Variants in DYRK1A observed in about 807,000 individuals in gnomAD.
DYRK1A encodes dual specificity tyrosine phosphorylation regulated kinase 1A, also known as dual specificity tyrosine-phosphorylation-regulated kinase 1A.
Under a neutral mutation model 79.7 loss-of-function variants are expected in DYRK1A, and 9 were observed. The ratio of observed to expected loss-of-function variants is 0.11; its 90% CI spans 0.07 to 0.20. DYRK1A has a LOEUF of 0.20. Ranked by LOEUF, DYRK1A falls within the 10% of genes least tolerant of loss-of-function variation. DYRK1A has a pLI of 1.00. For missense variants in DYRK1A, 622 were observed against 956.0 expected, an observed-to-expected ratio of 0.65 and a Z score of 4.61; for synonymous variants, 349 against 329.7, an observed-to-expected ratio of 1.06 and a Z score of -0.63.
intron 10 of DYRK1A, 73 bp downstream of exon 10, chr21:37,505,662 G>C: frequency 6.8e-7 from 1 of 1,460,540 alleles, no homozygotes; most frequent in Non-Finnish European, 9.1e-7. Context: ...TTATTTTAAA[G>C]TGTTGATTAA....
intron 4 of DYRK1A, 28 bp downstream of exon 4, chr21:37,478,328 C>G: frequency 3.8e-6 from 6 of 1,599,454 alleles, no homozygotes; most frequent in Non-Finnish European, 5.1e-6. Context: ...ATAATAACAT[C>G]TATCTTGCAG....
rs748204548 is a variant in DYRK1A, at chr21:37,506,322, C to G, written c.1644+99C>G. The G allele has an allele frequency of 5.0e-6, 8 of 1,607,202 alleles. No homozygotes were observed. The Admixed American group carries it at 6.8e-5, about 14-fold the overall frequency. ...CTTTAGAATGACCGTATCATTTACC[C>G]TAGAGGTTCATGACGTTCCTGTCTA... On this transcript the variant is annotated intron_variant, in intron 11 of 11. Transcript: ENST00000647188.
At chr21:37,458,253 C>T (rs2051718973) in intron 2 of DYRK1A, among the ~76,000 whole-genome samples, 1 of 105,420 alleles carries the variant, frequency 9.5e-6, no homozygotes. Flanking sequence ...TAGGGGAGGG[C>T]ATCTGGGTAA....
At chr21:37,498,178 A>G (rs922185413) in intron 9 of DYRK1A, among the ~76,000 whole-genome samples, 5 of 152,100 alleles carry the variant, frequency 3.3e-5, no homozygotes, top group African/African-American at 9.7e-5. Flanking sequence ...AATACTATAT[A>G]TTTTTTTCCT....
intron 2 of DYRK1A, among the ~76,000 whole-genome samples, chr21:37,437,338 T>A (rs2050953993): frequency 6.6e-6 from 1 of 152,014 alleles, no homozygotes. Context: ...TTTCAAGGGG[T>A]TTTTGAGTTG....
intron 2 of DYRK1A, among the ~76,000 whole-genome samples, chr21:37,447,440 G>C (rs2051310388): frequency 6.6e-6 from 1 of 151,866 alleles, no homozygotes; most frequent in African/African-American, 2.4e-5. Flanking sequence ...AAGCCTTTAA[G>C]ACCTAAAGTC....
At chr21:37,430,455 T>A in intron 2 of DYRK1A, 1 of 971,596 alleles carries the variant, frequency 1.0e-6, no homozygotes, top group Non-Finnish European at 1.2e-6. Context: ...CAACTTGCAC[T>A]AGGATAGTTT....
chr21:37,390,424 C>T (rs979099932), intron 1 of DYRK1A, among the ~76,000 whole-genome samples: 3 of 152,184 alleles, frequency 2.0e-5, no homozygotes, highest in African/African-American at 7.2e-5. Context: ...AACAGCAATA[C>T]AGCCATCAAA....
intron 2 of DYRK1A, among the ~76,000 whole-genome samples, chr21:37,429,582 C>T (rs1220649784): frequency 6.6e-6 from 1 of 152,136 alleles, no homozygotes; most frequent in Non-Finnish European, 1.5e-5. Context: ...TACTCACCAT[C>T]GTGAGAATAG....
chr21:37,516,477 A>C lies in DYRK1A; in HGVS notation c.*3946A>C, dbSNP rs2053881988. ...CATCACCAAGTAATTTGTAGTACAA[A>C]GAACAAGAGAAGAAACCCTAAGAAG... On this transcript the variant is annotated 3_prime_UTR_variant, in exon 12 of 12. Transcript: ENST00000647188. The C allele has an allele frequency of 6.6e-6, 1 of 152,216 alleles. No homozygotes were observed. Among genetic ancestry groups the C allele is most frequent in the South Asian group, 2.1e-4 (1 of 4,832 alleles). The allele number at this position is 152,216 out of a possible 1,614,324, so 9.4% of individuals were successfully genotyped here. A position where few individuals can be genotyped will look rare whatever the true frequency, so the allele number is the denominator to read the frequency against.
intron 1 of DYRK1A, among the ~76,000 whole-genome samples, chr21:37,400,403 A>T (rs538774346): frequency 1.3e-4 from 20 of 152,336 alleles, no homozygotes; most frequent in African/African-American, 4.6e-4. Context: ...TTTCCAGCTT[A>T]TCACACTCCT....
chr21:37,456,538 A>G (rs2051642624), intron 2 of DYRK1A, among the ~76,000 whole-genome samples: 1 of 152,034 alleles, frequency 6.6e-6, no homozygotes, highest in Admixed American at 6.6e-5. Flanking sequence ...CTGTTTCCTA[A>G]CCCTGCGTCT....
Position 37,518,795 on chromosome 21 carries a change from T to TA in DYRK1A, c.*6265dup, listed in dbSNP as rs1189021827. 5.9e-5 allele frequency: 9 copies of TA among 151,926 alleles called. No individual in the cohort carries two copies. The highest frequency in any genetic ancestry group is 2.2e-4 in the African/African-American group (9 of 41,414). The allele number at this position is 151,926 out of a possible 1,614,324, so 9.4% of individuals were successfully genotyped here. On this transcript the variant is annotated 3_prime_UTR_variant, in exon 12 of 12. Transcript: ENST00000647188. Reference sequence around the variant, plus strand: ...CACACCCAGCTAATAGTATTTTTGATAGAGAGGGGGTTTCGCAATGTTGGC... The same window carrying TA: ...CACACCCAGCTAATAGTATTTTTGATAAGAGAGGGGGTTTCGCAATGTTGGC...
chr21:37,473,576 T>C (rs1385787090), intron 3 of DYRK1A, among the ~76,000 whole-genome samples: 3 of 152,210 alleles, frequency 2.0e-5, no homozygotes, highest in African/African-American at 2.4e-5. Flanking sequence ...ATTTGATGTG[T>C]GATGAGCACT....
At chr21:37,466,639 AAAGCTT>A (rs2052034990) in intron 2 of DYRK1A, among the ~76,000 whole-genome samples, 1 of 152,312 alleles carries the variant, frequency 6.6e-6, no homozygotes, top group Admixed American at 6.5e-5. Flanking sequence ...GATAAAGCAA[AAAGCTT>A]TACTAGAAAT....
At chr21:37,408,610 AG>A (rs1405479274) in intron 1 of DYRK1A, among the ~76,000 whole-genome samples, 1 of 152,226 alleles carries the variant, frequency 6.6e-6, no homozygotes, top group African/African-American at 2.4e-5. Context: ...CTATAGCAAA[AG>A]TACTAGCTTT....
At chr21:37,385,643 T>C (rs1259576704) in intron 1 of DYRK1A, among the ~76,000 whole-genome samples, 2 of 152,170 alleles carry the variant, frequency 1.3e-5, no homozygotes, top group Non-Finnish European at 2.9e-5. Flanking sequence ...ATGTGAACAC[T>C]AGGAGGTGGG....
chr21:37,495,250 C>T (rs1432993651), intron 8 of DYRK1A, among the ~76,000 whole-genome samples: 1 of 151,054 alleles, frequency 6.6e-6, no homozygotes, highest in Non-Finnish European at 1.5e-5. Context: ...TACCTCACGC[C>T]TGTAATCCCA....
At chr21:37,462,651 C>A (rs896412822) in intron 2 of DYRK1A, among the ~76,000 whole-genome samples, 1 of 152,278 alleles carries the variant, frequency 6.6e-6, no homozygotes. Flanking sequence ...AGCTCCTTCT[C>A]TTTTTGTTAC....
Sources: allele counts gnomAD v4.1 joint callset (sites outside exome capture counted in the v4.1 genomes callset), GRCh38; gene constraint gnomAD v4.1.1; transcripts MANE v1.5; gene names NCBI Gene and HGNC (gene_info 2026-07-23, HGNC 2026-07-21).